The following EN1 variants were observed in gnomAD, a reference collection of about 807,000 sequenced individuals.
The protein encoded by EN1 is homeobox protein engrailed-1.
Under a neutral mutation model 22.9 loss-of-function variants are expected in EN1, and 8 were observed. The ratio of observed to expected loss-of-function variants is 0.35; its 90% confidence interval spans 0.20 to 0.63. The LOEUF (loss-of-function observed/expected upper bound fraction) is 0.63, where lower values mean the gene tolerates loss of function less well. Among genes scored for constraint, EN1 ranks in the 20% least tolerant of loss-of-function variants. The pLI is 0.73. For synonymous variants in EN1, 287 were observed against 262.5 expected, an observed-to-expected ratio of 1.09 and a Z score of -0.90; for missense variants, 521 against 572.1, an observed-to-expected ratio of 0.91 and a Z score of 0.91.
rs140899919 is a variant in EN1, at chr2:118,846,236, C to T, written c.862+70G>A. ...GAGGCCGGGTTTGCTCTCCCTAGCG[C>T]CGCAGCTTGGCGTTCTGGGGCGGTC... On this transcript the variant is annotated intron_variant, in intron 1 of 1. Transcript: ENST00000295206. The surrounding 1 kb of genome is among the most constrained non-coding windows in gnomAD (Gnocchi z 5.0). The T allele has an allele frequency of 2.3e-3, 3,573 of 1,556,784 alleles. 12 individuals carry two copies. Among genetic ancestry groups the T allele is most frequent in the Middle Eastern group, 0.013 (77 of 5,834 alleles).
chr2:118,843,390 G>A (rs1678222453), intron 1 of EN1, 136 bp from the exon 2 acceptor site: 3 of 787,994 alleles, frequency 3.8e-6, no homozygotes, highest in Non-Finnish European at 5.9e-6. Flanking sequence ...GGGCGATCTC[G>A]GAGGCCCTGC....
Position 118,843,220 on chromosome 2 carries a change from G to A in EN1, c.897C>T (p.Asn299=), listed in dbSNP as rs369801550. 1.6e-5 allele frequency: 24 copies of A among 1,470,780 alleles called. No individual in the cohort carries two copies. The highest frequency in any genetic ancestry group is 2.1e-5 in the Non-Finnish European group (23 of 1,099,460). The allele number at this position is 1,470,780 out of a possible 1,614,324, so 91.1% of individuals were successfully genotyped here. ...TCCGCGGCCGCTTGTCCTCCTTCTC[G>A]TTCTTCTTCTTCTTCAGCTTCCTGG... The part of the protein sequence containing the change: ...PRTRKLKKKK[N]EKEDKRPRTA... The change falls in exon 2 of 2, where the codon AAC becomes AAT. Residue 299 remains asparagine (N), a synonymous_variant. Transcript: ENST00000295206.
At position 118,846,574 on chromosome 2, in the gene EN1, C is replaced by T. The variant is rs1253158011; in HGVS notation, c.594G>A (p.Pro198=). The T allele has an allele frequency of 1.6e-6, 2 of 1,230,814 alleles. No homozygotes were observed. Among genetic ancestry groups the T allele is most frequent in the Non-Finnish European group, 2.0e-6 (2 of 989,424 alleles). 76.2% of individuals were successfully genotyped at this position (1,230,814 alleles called of 1,614,324 possible). A position where few individuals can be genotyped will look rare whatever the true frequency, so the allele number is the denominator to read the frequency against. ...CCGCGGCCGCCGCCGCCGCCGCAGC[C>T]GGGTTCCCAGCTTTAGACGCGCCCG... The part of the protein sequence containing the change: ...AGAGASKAGN[P]AAAAAAAAAA... Residue 198 remains proline (P), a synonymous_variant, in exon 1 of 2, where the codon CCG becomes CCA. Coordinates refer to ENST00000295206, the MANE Select transcript of EN1 (RefSeq NM_001426.4). The surrounding 1 kb of genome is among the most constrained non-coding windows in gnomAD (Gnocchi z 5.0).
rs765877485 is a variant in EN1 at position 118,843,049 on chromosome 2, G to A, written c.1068C>T (p.Ala356=). 6 of 1,614,148 alleles carry A rather than the reference G, an allele frequency of 3.7e-6. No homozygotes were observed. Among genetic ancestry groups the A allele is most frequent in the Non-Finnish European group, 5.1e-6 (6 of 1,180,024 alleles). ...QIKIWFQNKR[A]KIKKATGIKN... The stretch of plus-strand genomic sequence containing the variant: ...TGATGCCTGTGGCTTTCTTGATCTT[G>A]GCGCGCTTGTTCTGGAACCAGATCT... The change falls in exon 2 of 2, where the codon GCC becomes GCT. Residue 356 remains alanine, a synonymous_variant. Transcript: ENST00000295206.
At chr2:118,843,554 G>A (rs1176387172) in intron 1 of EN1, among the ~76,000 whole-genome samples, 1 of 152,200 alleles carries the variant, frequency 6.6e-6, no homozygotes, top group Non-Finnish European at 1.5e-5. Flanking sequence ...ATTCTCACAG[G>A]ACAGTCAGGG....
Position 118,842,834 on chromosome 2 carries a change from C to A in EN1, c.*104G>T, listed in dbSNP as rs879199499. 20 of 1,449,932 alleles carry A rather than the reference C, an allele frequency of 1.4e-5. No homozygotes were observed. The African/African-American group carries it at 2.7e-4, about 20-fold the overall frequency. The allele number at this position is 1,449,932 out of a possible 1,614,324, so 89.8% of individuals were successfully genotyped here. Reference sequence around the variant, plus strand: ...TGTCTCTCTCGCTCTTTTCCCTGCGCTCCCTCCCTCCTTGGAGCAGATGCT... The same window carrying A: ...TGTCTCTCTCGCTCTTTTCCCTGCGATCCCTCCCTCCTTGGAGCAGATGCT... On this transcript the variant is annotated 3_prime_UTR_variant, in exon 2 of 2. Coordinates refer to ENST00000295206, the MANE Select transcript of EN1 (RefSeq NM_001426.4).
chr2:118,846,224 C>T lies in EN1; in HGVS notation c.862+82G>A, dbSNP rs1678265601. 2.0e-6 allele frequency: 3 copies of T among 1,535,824 alleles called. No individual in the cohort carries two copies. Among genetic ancestry groups the T allele is most frequent in the Non-Finnish European group, 8.7e-7 (1 of 1,144,210 alleles). ...ACTGGAGTACCCGAGGCCGGGTTTG[C>T]TCTCCCTAGCGCCGCAGCTTGGCGT... is the stretch of plus-strand genomic sequence containing the variant. On this transcript the variant is annotated intron_variant, in intron 1 of 1. Coordinates refer to ENST00000295206, the MANE Select transcript of EN1 (RefSeq NM_001426.4). This position sits in a 1 kb window ranked among gnomAD's most constrained non-coding sequence, Gnocchi z 5.0.
chr2:118,843,323 G>A, intron 1 of EN1, 69 bp from the exon 2 acceptor site: 1 of 1,199,214 alleles, frequency 8.3e-7, no homozygotes, highest in Non-Finnish European at 1.1e-6. Context: ...GGGGGAGAGG[G>A]CAAAGGAAGC....
Position 118,842,705 on chromosome 2 carries a change from G to A in EN1, c.*233C>T. 2 of 726,704 alleles carry A rather than the reference G, an allele frequency of 2.8e-6. No homozygotes were observed. The highest frequency in any genetic ancestry group is 4.3e-5 in the South Asian group (2 of 46,106). 45.0% of individuals were successfully genotyped at this position (726,704 alleles called of 1,614,324 possible). ...TTCGCAGTTTCGTCCCTTATACTGGGAATAGAGAATGGATCTTATTTTTCG... is the reference window on the plus strand; with the variant it reads ...TTCGCAGTTTCGTCCCTTATACTGGAAATAGAGAATGGATCTTATTTTTCG... On this transcript the variant is annotated 3_prime_UTR_variant, in exon 2 of 2. Coordinates refer to ENST00000295206, the MANE Select transcript of EN1 (RefSeq NM_001426.4).
rs1390931435 is a variant in EN1 at position 118,846,926 on chromosome 2, G to A, written c.242C>T (p.Pro81Leu). ...AGGCGCCGCGAGATGCTGAGGCGGCGGGGGCGGGGGGTGTGGGGGGAGGTG... is the reference window on the plus strand; with the variant it reads ...AGGCGCCGCGAGATGCTGAGGCGGCAGGGGCGGGGGGTGTGGGGGGAGGTG... ...HPHLPPHPPPPPPQHLAAPAH... is the reference protein window; with the variant it reads ...HPHLPPHPPPLPPQHLAAPAH... Residue 81 changes from proline to leucine, a missense_variant, in exon 1 of 2, where the codon CCG becomes CTG. This residue lies in a region of EN1 where 436 missense variants were observed against 410.1 expected (regional missense o/e 1.06). Transcript: ENST00000295206. This position sits in a 1 kb window ranked among gnomAD's most constrained non-coding sequence, Gnocchi z 5.0. 1.3e-6 allele frequency: 2 copies of A among 1,537,426 alleles called. No homozygotes were observed. Among genetic ancestry groups the A allele is most frequent in the Middle Eastern group, 2.3e-4 (1 of 4,328 alleles).
chr2:118,843,385 A>G, intron 1 of EN1, 131 bp from the exon 2 acceptor site: 1 of 803,886 alleles, frequency 1.2e-6, no homozygotes. Flanking sequence ...TTCCGGGGCG[A>G]TCTCGGAGGC....
Position 118,842,876 on chromosome 2 carries a change from GGCCGGGAGACGACGGCGGCGGT to G in EN1, c.*40_*61del. On this transcript the variant is annotated 3_prime_UTR_variant, in exon 2 of 2. Coordinates refer to ENST00000295206, the MANE Select transcript of EN1 (RefSeq NM_001426.4). ...GCAGATGCTTTCTCCCCCAGCGAGG[GGCCGGGAGACGACGGCGGCGGT>G]GCCGGGAGGGGGCGCGGGCGCGGCC... The G allele has an allele frequency of 1.6e-5, 24 of 1,543,696 alleles. No homozygotes were observed. The highest frequency in any genetic ancestry group is 1.9e-5 in the Non-Finnish European group (22 of 1,144,186).
Position 118,847,191 on chromosome 2 carries a change from C to T in EN1, c.-24G>A. ...ATGCTCGGCCGCCCCGCCGCCCCGG[C>T]CGCCGCGCCGGCCCCCGCCCCCACC... On this transcript the variant is annotated 5_prime_UTR_variant, in exon 1 of 2. Transcript: ENST00000295206. 5 of 741,640 alleles carry T rather than the reference C, an allele frequency of 6.7e-6. No homozygotes were observed. Among genetic ancestry groups the T allele is most frequent in the East Asian group, 3.6e-5 (1 of 27,980 alleles). The allele number at this position is 741,640 out of a possible 1,614,324, so 45.9% of individuals were successfully genotyped here.
chr2:118,842,363 A>T lies in EN1; in HGVS notation c.*575T>A, dbSNP rs1259681818. 6.6e-6 allele frequency: 1 copy of T among 152,528 alleles called. No homozygotes were observed. The allele number at this position is 152,528 out of a possible 1,614,324, so 9.4% of individuals were successfully genotyped here. On this transcript the variant is annotated 3_prime_UTR_variant, in exon 2 of 2. Coordinates refer to ENST00000295206, the MANE Select transcript of EN1 (RefSeq NM_001426.4). ...GAGGTGGGGGAGAAGAGGTGGGCAG[A>T]CACGAAAGGAAACACACTCTCGCAC...
Position 118,846,818 on chromosome 2 carries a change from C to T in EN1, c.350G>A (p.Cys117Tyr). 1 of 1,594,740 alleles carries T rather than the reference C, an allele frequency of 6.3e-7. No individual in the cohort carries two copies. The highest frequency in any genetic ancestry group is 8.5e-7 in the Non-Finnish European group (1 of 1,176,708). The change falls in exon 1 of 2, where the codon TGC (cysteine) becomes TAC (tyrosine). Residue 117 changes from cysteine (C) to tyrosine (Y), a missense_variant. By Grantham distance (194) the Cys-to-Tyr change is radical. Around this residue, in one of 3 missense-constraint regions of EN1, gnomAD observed 436 missense variants for 410.1 expected, o/e 1.06. Transcript: ENST00000295206. The surrounding 1 kb of genome is among the most constrained non-coding windows in gnomAD (Gnocchi z 5.0). The stretch of plus-strand genomic sequence containing the variant: ...CTGCGGTGGCGGCTGCTCCTTTTTG[C>T]AGCCGAAGTCCGGCCTCAGGATGTT... Reference protein sequence around the residue: ...IDNILRPDFGCKKEQPPPQLL... With the variant: ...IDNILRPDFGYKKEQPPPQLL...
chr2:118,846,499 G>C lies in EN1; in HGVS notation c.669C>G (p.Thr223=), dbSNP rs1391731472. 6.5e-7 allele frequency: 1 copy of C among 1,549,566 alleles called. No individual in the cohort carries two copies. Among genetic ancestry groups the C allele is most frequent in the East Asian group, 2.5e-5 (1 of 39,472 alleles). ...AAAAAAKPSD[T]GGGGSGGGAG... ...CGCCGCCTCCACTGCCGCCGCCACC[G>C]GTGTCCGAGGGCTTGGCTGCTGCGG... Residue 223 remains threonine, a synonymous_variant, in exon 1 of 2, where the codon ACC becomes ACG. Transcript: ENST00000295206. This position sits in a 1 kb window ranked among gnomAD's most constrained non-coding sequence, Gnocchi z 5.0.
intron 1 of EN1, 150 bp from the exon 2 acceptor site, chr2:118,843,404 AC>A (rs1193293799): frequency 4.2e-6 from 3 of 716,008 alleles, no homozygotes; most frequent in Non-Finnish European, 2.3e-6. Flanking sequence ...GCCCTGCTGA[AC>A]CCCTGGCTCC....
rs1027110107 is a variant in EN1 at position 118,847,221 on chromosome 2, C to G, written c.-54G>C. The G allele has an allele frequency of 5.6e-6, 3 of 539,294 alleles. No individual in the cohort carries two copies. Among genetic ancestry groups the G allele is most frequent in the Non-Finnish European group, 8.9e-6 (3 of 337,896 alleles). The allele number at this position is 539,294 out of a possible 1,614,324, so 33.4% of individuals were successfully genotyped here. On this transcript the variant is annotated 5_prime_UTR_variant, in exon 1 of 2. Coordinates refer to ENST00000295206, the MANE Select transcript of EN1 (RefSeq NM_001426.4). The stretch of plus-strand genomic sequence containing the variant: ...GCGCCGGCCCCCGCCCCCACCGCCT[C>G]GCTCCCCACCCCACTTTGCCAGCGG...
At position 118,842,946 on chromosome 2, in the gene EN1, T is replaced by C. The variant is rs1353230517; in HGVS notation, c.1171A>G (p.Ser391Gly). ...GCCCCGGCCTGTGGCGGCTACTCGC[T>C]CTCGTCTTTGTCCTGGACCGTGGTG... is the stretch of plus-strand genomic sequence containing the variant. ...STTTVQDKDE[S>G]E The change falls in exon 2 of 2, where the codon AGC becomes GGC. Residue 391 changes from serine (S) to glycine (G), a missense_variant. Transcript: ENST00000295206. 1.2e-6 allele frequency: 2 copies of C among 1,601,156 alleles called. No homozygotes were observed. Among genetic ancestry groups the C allele is most frequent in the East Asian group, 2.2e-5 (1 of 44,464 alleles).
Sources: allele counts gnomAD v4.1 joint callset (sites outside exome capture counted in the v4.1 genomes callset), GRCh38; gene constraint gnomAD v4.1.1; regional missense constraint gnomAD v4.1.1; non-coding constraint Gnocchi (gnomAD v3.1); transcripts MANE v1.5; gene names NCBI Gene and HGNC (gene_info 2026-07-23, HGNC 2026-07-21).